Variants in SYNE1 observed in about 807,000 individuals in gnomAD.
SYNE1 encodes the protein spectrin repeat containing nuclear envelope protein 1.
In SYNE1, 616 loss-of-function variants were observed where a neutral mutation model predicts 1,111.0. The observed-to-expected ratio is 0.55, with a 90% CI of 0.52 to 0.59. The LOEUF is 0.59. Ranked by LOEUF, SYNE1 falls within the 20% of genes least tolerant of loss-of-function variation. The pLI, the probability that SYNE1 is intolerant of heterozygous loss-of-function variation, is 0.00. For synonymous variants in SYNE1, 3,855 were observed against 3,825.8 expected, an observed-to-expected ratio of 1.01 and a Z score of -0.28; for missense variants, 10,006 against 10,417.0, an observed-to-expected ratio of 0.96 and a Z score of 1.72.
intron 87 of SYNE1, chr6:152,315,091 C>A (rs999944109): frequency 6.7e-6 from 1 of 150,084 alleles, no homozygotes; most frequent in African/African-American, 2.4e-5. Flanking sequence ...TTTAAGTTTT[C>A]TTTAAACTTT....
At chr6:152,420,203 G>A (rs1450002909) in intron 39 of SYNE1, among the ~76,000 whole-genome samples, 1 of 152,146 alleles carries the variant, frequency 6.6e-6, no homozygotes, top group Non-Finnish European at 1.5e-5. Flanking sequence ...TCAAAAAGTG[G>A]TTTACAGTCA....
intron 2 of SYNE1, among the ~76,000 whole-genome samples, chr6:152,635,056 T>C (rs1238621988): frequency 6.6e-6 from 1 of 152,206 alleles, no homozygotes; most frequent in African/African-American, 2.4e-5. Flanking sequence ...ATTTCCAAGA[T>C]GCTGTGTGTG....
Position 152,346,596 on chromosome 6 carries a change from G to A in SYNE1, c.12078+463C>T, listed in dbSNP as rs150706703. ...GAGGCAGAGGTGGGCGGATCACGAG[G>A]TCAGGAGATCGAAACCATCCTGGCT... On this transcript the variant is annotated intron_variant, in intron 73 of 145. Coordinates refer to ENST00000367255, the MANE Select transcript of SYNE1 (RefSeq NM_182961.4). 8.2e-3 allele frequency among the ~76,000 whole-genome samples: 1,251 copies of A among 152,146 alleles called. 8 individuals carry two copies. The highest frequency in any genetic ancestry group is 0.014 in the Admixed American group (218 of 15,272).
At chr6:152,473,867 A>G (rs1023054623) in intron 14 of SYNE1, among the ~76,000 whole-genome samples, 2 of 152,144 alleles carry the variant, frequency 1.3e-5, no homozygotes, top group African/African-American at 4.8e-5. Flanking sequence ...CTACCCAAAC[A>G]AAAACATTTT....
At position 152,314,998 on chromosome 6, in the gene SYNE1, G is replaced by A. The variant is rs564067036; in HGVS notation, c.16710+1851C>T. On this transcript the variant is annotated intron_variant, in intron 87 of 145. Transcript: ENST00000367255. The stretch of plus-strand genomic sequence containing the variant: ...TAGAGCGAAATGCTGTCTCAAAAAA[G>A]AAAAAAAAAGTCATGATAACCTTAA... Among the ~76,000 whole-genome samples the A allele has an allele frequency of 2.3e-3, 332 of 142,336 alleles. 1 individual carries two copies. Among genetic ancestry groups the A allele is most frequent in the African/African-American group, 7.9e-3 (310 of 39,088 alleles). The allele number at this position is 142,336 out of a possible 152,430, so 93.4% of individuals were successfully genotyped here.
At chr6:152,190,933 A>T (rs1399740600) in intron 127 of SYNE1, among the ~76,000 whole-genome samples, 1 of 152,206 alleles carries the variant, frequency 6.6e-6, no homozygotes, top group East Asian at 1.9e-4. Context: ...GGCTTTTATT[A>T]TGTTGAGCTA....
Position 152,419,613 on chromosome 6 carries a change from C to T in SYNE1, c.5377G>A (p.Glu1793Lys), listed in dbSNP as rs773362849. The T allele has an allele frequency of 2.5e-6, 4 of 1,613,296 alleles. No homozygotes were observed. The highest frequency in any genetic ancestry group is 2.2e-5 in the East Asian group (1 of 44,834). The change falls in exon 40 of 146, where the codon GAG (glutamate) becomes AAG (lysine). Residue 1793 changes from glutamate to lysine, a missense_variant. Physicochemically the swap from Glu to Lys is moderately conservative, Grantham distance 56. Transcript: ENST00000367255. ...ACTTGATGGTCCATTATGCTAATCTCAGAGGTAGTTTGTAATTCACTGAGA... is the reference window on the plus strand; with the variant it reads ...ACTTGATGGTCCATTATGCTAATCTTAGAGGTAGTTTGTAATTCACTGAGA... ...LFLSELQTTS[E>K]ISIMDHQVAL...
chr6:152,280,978 CTAAG>C (rs1455956063), intron 97 of SYNE1, among the ~76,000 whole-genome samples: 5 of 151,956 alleles, frequency 3.3e-5, no homozygotes, highest in African/African-American at 9.7e-5. Flanking sequence ...TTAGTGTGCA[CTAAG>C]TAATGATTTT....
intron 64 of SYNE1, among the ~76,000 whole-genome samples, 183 bp from the exon 65 acceptor site, chr6:152,359,641 T>G (rs983762715): frequency 1.3e-5 from 2 of 152,038 alleles, no homozygotes; most frequent in Admixed American, 6.6e-5. Flanking sequence ...TGTGTGTGTG[T>G]GTGTGTGTGT....
At position 152,436,094 on chromosome 6, in the gene SYNE1, G is replaced by C; in HGVS notation, c.4157C>G (p.Ser1386Cys). 6.2e-7 allele frequency: 1 copy of C among 1,613,698 alleles called. No homozygotes were observed. The highest frequency in any genetic ancestry group is 8.5e-7 in the Non-Finnish European group (1 of 1,179,948). The change falls in exon 33 of 146, where the codon TCT (serine) becomes TGT (cysteine). Residue 1386 changes from serine to cysteine, a missense_variant. By Grantham distance (112) the Ser-to-Cys change is moderately radical. Transcript: ENST00000367255. ...GACTGCAATACTTTCTGTCCGTTTA[G>C]AAAACTCCTAGAAAAAATATTATGA... is the stretch of plus-strand genomic sequence containing the variant. ...SSELEQTKEFSKRTESIAVQA... is the reference protein window; with the variant it reads ...SSELEQTKEFCKRTESIAVQA...
chr6:152,346,912 T>C, intron 73 of SYNE1, 147 bp downstream of exon 73: 1 of 908,364 alleles, frequency 1.1e-6, no homozygotes, highest in Non-Finnish European at 1.6e-6. Flanking sequence ...ATAGCAACTG[T>C]GAAATTTATC....
intron 117 of SYNE1, among the ~76,000 whole-genome samples, chr6:152,221,780 G>A (rs2080237920): frequency 6.6e-6 from 1 of 152,160 alleles, no homozygotes; most frequent in South Asian, 2.1e-4. Flanking sequence ...GAGCAATGAA[G>A]CCTTCTTCTA....
At chr6:152,512,012 G>A (rs2099087506) in intron 6 of SYNE1, among the ~76,000 whole-genome samples, 1 of 152,072 alleles carries the variant, frequency 6.6e-6, no homozygotes, top group Non-Finnish European at 1.5e-5. Context: ...GTACCCTTCA[G>A]ACCTCTAGCT....
intron 14 of SYNE1, among the ~76,000 whole-genome samples, chr6:152,477,905 A>G (rs961335920): frequency 6.6e-6 from 1 of 152,174 alleles, no homozygotes; most frequent in African/African-American, 2.4e-5. Context: ...AGCTGGGACT[A>G]CAGGCATGCA....
chr6:152,261,742 CA>C (rs2092024505), intron 101 of SYNE1, among the ~76,000 whole-genome samples: 1 of 152,040 alleles, frequency 6.6e-6, no homozygotes, highest in Non-Finnish European at 1.5e-5. Context: ...AAAACACACA[CA>C]AAAAGAGGGC....
intron 46 of SYNE1, 129 bp from the exon 47 acceptor site, chr6:152,401,470 G>A: frequency 1.1e-6 from 1 of 873,614 alleles, no homozygotes; most frequent in Non-Finnish European, 1.8e-6. Flanking sequence ...CAGCTCCAAT[G>A]TTAATATGCC....
intron 22 of SYNE1, among the ~76,000 whole-genome samples, chr6:152,458,226 A>G (rs1303540066): frequency 1.3e-5 from 2 of 152,194 alleles, no homozygotes. Context: ...AATAATAGAA[A>G]GTCCTTTGAT....
At chr6:152,472,254 C>T (rs771787674) in intron 15 of SYNE1, 47 bp downstream of exon 15, 21 of 1,468,648 alleles carry the variant, frequency 1.4e-5, no homozygotes, top group Middle Eastern at 1.7e-4. Context: ...AAGCGTCCAC[C>T]TAGTGTTTTA....
intron 131 of SYNE1, among the ~76,000 whole-genome samples, chr6:152,162,273 TAAC>T (rs2062670371): frequency 6.6e-6 from 1 of 152,230 alleles, no homozygotes; most frequent in Non-Finnish European, 1.5e-5. Context: ...TCCATTCTGT[TAAC>T]AACATCACTG....
Sources: gnomAD v4.1 joint callset for allele counts (sites outside exome capture counted in the v4.1 genomes callset) on GRCh38, gnomAD v4.1.1 for gene constraint, MANE v1.5 for transcripts, NCBI Gene and HGNC (gene_info 2026-07-23, HGNC 2026-07-21) for gene names.